Variants in SHISA6 observed in about 807,000 individuals in gnomAD.
SHISA6 encodes the protein shisa family member 6.
SHISA6 carries 22 observed loss-of-function variants against 47.9 expected under a neutral mutation model. The observed-to-expected ratio is 0.46, with a 90% CI of 0.33 to 0.66. The LOEUF is 0.66. Among genes scored for constraint, SHISA6 ranks in the 30% least tolerant of loss-of-function variants. SHISA6 has a pLI of 0.02. For synonymous variants in SHISA6, 388 were observed against 337.8 expected, an observed-to-expected ratio of 1.15 and a Z score of -1.63; for missense variants, 680 against 764.6, an observed-to-expected ratio of 0.89 and a Z score of 1.30.
intron 2 of SHISA6, among the ~76,000 whole-genome samples, chr17:11,367,684 C>T (rs890561848): frequency 1.3e-5 from 2 of 152,114 alleles, no homozygotes; most frequent in African/African-American, 4.8e-5. Flanking sequence ...CTGGTGGGCT[C>T]TCACCACTGG....
chr17:11,337,152 G>A (rs1174821538), intron 2 of SHISA6, among the ~76,000 whole-genome samples: 1 of 152,174 alleles, frequency 6.6e-6, no homozygotes, highest in Non-Finnish European at 1.5e-5. Context: ...AGCAGAGTCT[G>A]AGACAAGAAT....
chr17:11,316,329 C>CTT (rs66540376), intron 2 of SHISA6, among the ~76,000 whole-genome samples: 2,715 of 103,594 alleles, frequency 0.026, 142 homozygotes, highest in African/African-American at 0.086. Flanking sequence ...ATTTTCAGGT[C>CTT]TTTTTTTTTT....
intron 3 of SHISA6, among the ~76,000 whole-genome samples, chr17:11,449,496 TAGAG>T (rs1294270462): frequency 2.6e-5 from 4 of 151,434 alleles, no homozygotes; most frequent in Non-Finnish European, 4.4e-5. Context: ...TTGGAAGACT[TAGAG>T]AGATGAGCGA....
At chr17:11,281,425 T>C (rs917866482) in intron 2 of SHISA6, among the ~76,000 whole-genome samples, 1 of 152,188 alleles carries the variant, frequency 6.6e-6, no homozygotes, top group African/African-American at 2.4e-5. Flanking sequence ...AGTTTTTCCT[T>C]TTAGCCTGTT....
intron 2 of SHISA6, among the ~76,000 whole-genome samples, chr17:11,326,113 T>A (rs1910879144): frequency 6.6e-6 from 1 of 152,008 alleles, no homozygotes; most frequent in East Asian, 1.9e-4. Context: ...CTACTAAAAA[T>A]ACAAAAAATT....
rs1907312521 is a variant in SHISA6 at position 11,241,316 on chromosome 17, C to A, written c.-107C>A. On this transcript the variant is annotated 5_prime_UTR_variant, in exon 1 of 6. Coordinates refer to ENST00000441885, the MANE Select transcript of SHISA6 (RefSeq NM_207386.4). This position sits in a 1 kb window ranked among gnomAD's most constrained non-coding sequence, Gnocchi z 5.5. Reference sequence around the variant, plus strand: ...GCGCCATCGCCCCGGAGCCGCTGACCGCTCAGCGCCTCCAGCCCGGCCCGC... The same window carrying A: ...GCGCCATCGCCCCGGAGCCGCTGACAGCTCAGCGCCTCCAGCCCGGCCCGC... The A allele has an allele frequency of 1.2e-5, 8 of 692,792 alleles. No individual in the cohort carries two copies. The South Asian group carries it at 4.9e-4, about 42-fold the overall frequency. The allele number at this position is 692,792 out of a possible 1,614,324, so 42.9% of individuals were successfully genotyped here. A position where few individuals can be genotyped will look rare whatever the true frequency, so the allele number is the denominator to read the frequency against.
intron 3 of SHISA6, among the ~76,000 whole-genome samples, chr17:11,519,480 C>T (rs984595705): frequency 6.6e-6 from 1 of 152,120 alleles, no homozygotes; most frequent in Non-Finnish European, 1.5e-5. Flanking sequence ...TTACCAAGTG[C>T]TGCAGTGAGG....
intron 2 of SHISA6, among the ~76,000 whole-genome samples, chr17:11,358,878 C>T (rs1035008885): frequency 1.3e-5 from 2 of 151,908 alleles, no homozygotes; most frequent in East Asian, 1.9e-4. Flanking sequence ...AGGCTGGTCT[C>T]GAACTCCTGA....
At chr17:11,373,884 T>C (rs1912704956) in intron 2 of SHISA6, among the ~76,000 whole-genome samples, 1 of 152,222 alleles carries the variant, frequency 6.6e-6, no homozygotes, top group Non-Finnish European at 1.5e-5. Flanking sequence ...CCTATCTCCT[T>C]ATGCACGTGT....
chr17:11,388,381 G>A (rs1913261856), intron 3 of SHISA6, among the ~76,000 whole-genome samples: 1 of 152,138 alleles, frequency 6.6e-6, no homozygotes, highest in Non-Finnish European at 1.5e-5. Context: ...GGGAGGATGG[G>A]TAGGAGTGGG....
chr17:11,378,223 A>G (rs769731060), intron 2 of SHISA6, among the ~76,000 whole-genome samples: 4 of 152,234 alleles, frequency 2.6e-5, no homozygotes, highest in Non-Finnish European at 5.9e-5. Context: ...TACGGAAAAA[A>G]CACTTGGAAA....
At chr17:11,268,517 AG>A (rs1170932377) in intron 2 of SHISA6, among the ~76,000 whole-genome samples, 1 of 152,170 alleles carries the variant, frequency 6.6e-6, no homozygotes, top group Non-Finnish European at 1.5e-5. Flanking sequence ...CTGTTTCTGT[AG>A]CCCCAAATTT....
At chr17:11,271,615 T>C (rs1203182586) in intron 2 of SHISA6, among the ~76,000 whole-genome samples, 1 of 18,194 alleles carries the variant, frequency 5.5e-5, no homozygotes, top group East Asian at 3.7e-3. Flanking sequence ...TTTTTTTTTT[T>C]TTTTTTTTTT....
chr17:11,554,682 G>A (rs7211597), intron 4 of SHISA6, among the ~76,000 whole-genome samples: 1,828 of 152,200 alleles, frequency 0.012, 37 homozygotes, highest in African/African-American at 0.042. Flanking sequence ...CCTCACTTCT[G>A]GGAATGGTAC....
chr17:11,473,182 A>G (rs1915970864), intron 3 of SHISA6, among the ~76,000 whole-genome samples: 1 of 152,166 alleles, frequency 6.6e-6, no homozygotes, highest in South Asian at 2.1e-4. Context: ...CAGCTTGTCA[A>G]TTATTTCTTT....
intron 2 of SHISA6, among the ~76,000 whole-genome samples, chr17:11,322,459 C>G (rs968728161): frequency 1.3e-5 from 2 of 152,054 alleles, no homozygotes; most frequent in South Asian, 4.1e-4. Flanking sequence ...TCTCTTTTGC[C>G]TTGCCCTTAA....
At chr17:11,458,762 C>T (rs1315134648) in intron 3 of SHISA6, among the ~76,000 whole-genome samples, 1 of 152,224 alleles carries the variant, frequency 6.6e-6, no homozygotes, top group African/African-American at 2.4e-5. Context: ...TTTAGACAGG[C>T]TCCACATGGA....
chr17:11,490,238 A>G (rs140283453), intron 3 of SHISA6, among the ~76,000 whole-genome samples: 1 of 152,214 alleles, frequency 6.6e-6, no homozygotes, highest in East Asian at 1.9e-4. Context: ...AGTACCCGAG[A>G]AGGTGGAGGC....
intron 3 of SHISA6, among the ~76,000 whole-genome samples, chr17:11,481,131 C>A (rs1289745005): frequency 6.6e-6 from 1 of 151,632 alleles, no homozygotes; most frequent in East Asian, 2.0e-4. Context: ...ATGTGAAAAT[C>A]AGCCAGGTGT....
Sources: gnomAD v4.1 joint callset for allele counts (sites outside exome capture counted in the v4.1 genomes callset) on GRCh38, gnomAD v4.1.1 for gene constraint, Gnocchi (gnomAD v3.1) non-coding constraint, MANE v1.5 for transcripts, NCBI Gene and HGNC (gene_info 2026-07-23, HGNC 2026-07-21) for gene names.